The following ERP44 variants were observed in gnomAD, a reference collection of about 807,000 sequenced individuals.
ERP44 encodes the protein endoplasmic reticulum protein 44, also known as endoplasmic reticulum resident protein 44.
ERP44 carries 25 observed loss-of-function variants against 53.4 expected under a neutral mutation model. The ratio of observed to expected loss-of-function variants is 0.47; its 90% CI spans 0.34 to 0.65. The LOEUF (loss-of-function observed/expected upper bound fraction) is 0.65, where lower values mean the gene tolerates loss of function less well. Ranked by LOEUF, ERP44 falls within the 30% of genes least tolerant of loss-of-function variation. The pLI, the probability that ERP44 is intolerant of heterozygous loss-of-function variation, is 0.01. For synonymous variants in ERP44, 145 were observed against 161.2 expected, an observed-to-expected ratio of 0.90 and a Z score of 0.76; for missense variants, 338 against 493.2, an observed-to-expected ratio of 0.69 and a Z score of 2.98.
At chr9:100,002,241 T>C (rs1830385579) in intron 10 of ERP44, among the ~76,000 whole-genome samples, 1 of 152,156 alleles carries the variant, frequency 6.6e-6, no homozygotes, top group Non-Finnish European at 1.5e-5. Flanking sequence ...TAGCTATTAT[T>C]ATTTTAATAG....
At chr9:100,039,465 G>C (rs1183003906) in intron 4 of ERP44, among the ~76,000 whole-genome samples, 2 of 152,118 alleles carry the variant, frequency 1.3e-5, no homozygotes, top group Admixed American at 1.3e-4. Flanking sequence ...GAAGGAAATT[G>C]AAAATTTTAT....
At chr9:100,084,469 G>C (rs2118752607) in intron 1 of ERP44, among the ~76,000 whole-genome samples, 1 of 152,162 alleles carries the variant, frequency 6.6e-6, no homozygotes, top group South Asian at 2.1e-4. Flanking sequence ...TAATGGTATT[G>C]GTTTTAATTA....
intron 1 of ERP44, among the ~76,000 whole-genome samples, chr9:100,070,727 AGTGTATAAGAAAC>A (rs1826291619): frequency 6.6e-6 from 1 of 152,258 alleles, no homozygotes; most frequent in African/African-American, 2.4e-5. Flanking sequence ...CCAAGAAACT[AGTGTATAAGAAAC>A]ATTGGCTATA....
chr9:99,999,010 G>T, intron 10 of ERP44: 1 of 1,076,498 alleles, frequency 9.3e-7, no homozygotes, highest in Non-Finnish European at 1.4e-6. Flanking sequence ...GTAGTCGTGC[G>T]TGGGCAGCGG....
intron 10 of ERP44, among the ~76,000 whole-genome samples, chr9:100,005,850 T>C (rs1414964309): frequency 6.6e-6 from 1 of 152,248 alleles, no homozygotes; most frequent in Non-Finnish European, 1.5e-5. Context: ...CTTGAATACC[T>C]GTATTGCTTA....
chr9:100,089,798 T>C (rs1826529833), intron 1 of ERP44, among the ~76,000 whole-genome samples: 1 of 152,158 alleles, frequency 6.6e-6, no homozygotes, highest in African/African-American at 2.4e-5. Flanking sequence ...GCCTAATTTA[T>C]AAAGGAAACT....
intron 10 of ERP44, among the ~76,000 whole-genome samples, chr9:99,990,517 C>A (rs1290775150): frequency 6.6e-6 from 1 of 152,176 alleles, no homozygotes; most frequent in East Asian, 1.9e-4. Flanking sequence ...GAAGGAAGTA[C>A]TAAACATGGA....
chr9:100,087,457 G>A (rs1826498311), intron 1 of ERP44, among the ~76,000 whole-genome samples: 1 of 152,282 alleles, frequency 6.6e-6, no homozygotes, highest in Non-Finnish European at 1.5e-5. Context: ...TATCTATTTA[G>A]TCATTCATTC....
intron 1 of ERP44, among the ~76,000 whole-genome samples, chr9:100,080,959 A>G (rs1826415641): frequency 6.6e-6 from 1 of 152,170 alleles, no homozygotes; most frequent in African/African-American, 2.4e-5. Flanking sequence ...CTTCCTATAT[A>G]TGAAAAGAAC....
At chr9:99,991,727 G>A (rs1169604847) in intron 10 of ERP44, among the ~76,000 whole-genome samples, 8 of 152,136 alleles carry the variant, frequency 5.3e-5, no homozygotes, top group Admixed American at 5.2e-4. Flanking sequence ...GAATCCAGGA[G>A]CTGGTTTTTT....
chr9:100,031,106 C>G (rs1437756873), intron 4 of ERP44, among the ~76,000 whole-genome samples: 1 of 151,968 alleles, frequency 6.6e-6, no homozygotes, highest in African/African-American at 2.4e-5. Flanking sequence ...CCTTTATGGA[C>G]AGAACACGGG....
At chr9:100,037,911 G>A (rs76697086) in intron 4 of ERP44, among the ~76,000 whole-genome samples, 6 of 152,242 alleles carry the variant, frequency 3.9e-5, no homozygotes, top group Non-Finnish European at 7.4e-5. Context: ...GAAACCTTAC[G>A]TGCCAGAAGA....
intron 1 of ERP44, among the ~76,000 whole-genome samples, chr9:100,067,062 C>T (rs7024016): frequency 0.68 from 103,082 of 152,070 alleles, 36,163 homozygotes; most frequent in East Asian, 0.91. Flanking sequence ...TGAGAACCAA[C>T]CTGCATTTAT....
chr9:100,033,847 C>G (rs1825820147), intron 4 of ERP44, among the ~76,000 whole-genome samples: 1 of 152,288 alleles, frequency 6.6e-6, no homozygotes, highest in South Asian at 2.1e-4. Flanking sequence ...TCTGACTCAG[C>G]TCCTCTCTAC....
At chr9:100,010,901 C>CG (rs1830468850) in intron 8 of ERP44, among the ~76,000 whole-genome samples, 1 of 117,760 alleles carries the variant, frequency 8.5e-6, no homozygotes. Context: ...AACTCCATCT[C>CG]AAAAAAAAAA....
chr9:100,051,600 AG>A (rs1346024624), intron 4 of ERP44, among the ~76,000 whole-genome samples: 1 of 152,182 alleles, frequency 6.6e-6, no homozygotes, highest in Non-Finnish European at 1.5e-5. Context: ...AAAAAAAGAA[AG>A]AAAAAAAAAT....
chr9:100,079,955 A>C (rs920643588), intron 1 of ERP44, among the ~76,000 whole-genome samples: 92 of 152,036 alleles, frequency 6.1e-4, no homozygotes, highest in Admixed American at 6.0e-3. Flanking sequence ...AAAAAAAAAA[A>C]AACAGAATCA....
At chr9:100,008,350 G>A (rs1336645541) in intron 8 of ERP44, among the ~76,000 whole-genome samples, 1 of 152,080 alleles carries the variant, frequency 6.6e-6, no homozygotes, top group Non-Finnish European at 1.5e-5. Context: ...AAAGCACCTT[G>A]AAAATTATAA....
At chr9:100,090,416 A>G (rs1018849520) in intron 1 of ERP44, among the ~76,000 whole-genome samples, 18 of 152,176 alleles carry the variant, frequency 1.2e-4, no homozygotes, top group Non-Finnish European at 2.6e-4. Context: ...GTAATTTTTA[A>G]AAGCTGGCAT....
Sources: allele counts gnomAD v4.1 joint callset (sites outside exome capture counted in the v4.1 genomes callset), GRCh38; gene constraint gnomAD v4.1.1; transcripts MANE v1.5; gene names NCBI Gene and HGNC (gene_info 2026-07-23, HGNC 2026-07-21).